The following MYPN variants were observed in gnomAD, a reference collection of about 807,000 sequenced individuals.
MYPN encodes the protein myopalladin.
In MYPN, 63 loss-of-function variants were observed where a neutral mutation model predicts 129.4. That is an observed-to-expected ratio of 0.49 (90% CI 0.40 to 0.60). The LOEUF (loss-of-function observed/expected upper bound fraction) is 0.60. Ranked by LOEUF, MYPN falls within the 20% of genes least tolerant of loss-of-function variation. The pLI is 0.00. For missense variants in MYPN, 1,596 were observed against 1,635.4 expected, an observed-to-expected ratio of 0.98 and a Z score of 0.42; for synonymous variants, 629 against 600.9, an observed-to-expected ratio of 1.05 and a Z score of -0.68.
intron 12 of MYPN, among the ~76,000 whole-genome samples, chr10:68,181,849 T>C (rs1215916751): frequency 2.0e-5 from 3 of 151,978 alleles, no homozygotes; most frequent in Non-Finnish European, 4.4e-5. Flanking sequence ...TAGCAAGCTC[T>C]CCAAGCTCTC....
intron 3 of MYPN, among the ~76,000 whole-genome samples, chr10:68,143,487 G>A (rs947350623): frequency 1.3e-5 from 2 of 152,170 alleles, no homozygotes; most frequent in African/African-American, 4.8e-5. Flanking sequence ...AAATCAGCAA[G>A]TGCAGTGGCC....
chr10:68,197,935 A>C (rs2043639128), intron 16 of MYPN, among the ~76,000 whole-genome samples: 1 of 152,162 alleles, frequency 6.6e-6, no homozygotes, highest in South Asian at 2.1e-4. Flanking sequence ...CAAATGGGTG[A>C]TTCATACCCA....
At chr10:68,123,489 A>G (rs1346041221) in intron 2 of MYPN, among the ~76,000 whole-genome samples, 1 of 151,326 alleles carries the variant, frequency 6.6e-6, no homozygotes, top group African/African-American at 2.4e-5. Context: ...ATCCTGGCTA[A>G]AAAGGTGAAA....
chr10:68,125,272 G>C (rs1268036556), intron 2 of MYPN, among the ~76,000 whole-genome samples: 1 of 152,126 alleles, frequency 6.6e-6, no homozygotes, highest in Non-Finnish European at 1.5e-5. Flanking sequence ...TTTCCATGTA[G>C]CAATGCTAAT....
chr10:68,145,538 T>C lies in MYPN; in HGVS notation c.1130+12T>C, dbSNP rs771881047. On this transcript the variant is annotated intron_variant, in intron 4 of 19. Coordinates refer to ENST00000358913, the MANE Select transcript of MYPN (RefSeq NM_032578.4). ...GAAGAGATGAATCGGTAATTCTGAT[T>C]TTCTGTCTTATAGCTTTAGCATCCT... 1 of 1,610,066 alleles carries C rather than the reference T, an allele frequency of 6.2e-7. No homozygotes were observed. Among genetic ancestry groups the C allele is most frequent in the Non-Finnish European group, 8.5e-7 (1 of 1,177,010 alleles).
At chr10:68,095,309 T>C (rs1057491063) in intron 1 of MYPN, among the ~76,000 whole-genome samples, 9 of 149,496 alleles carry the variant, frequency 6.0e-5, no homozygotes, top group Middle Eastern at 3.4e-3. Context: ...GAGATCACTC[T>C]ATTACACTCC....
chr10:68,149,107 G>C (rs1236940648), intron 5 of MYPN, among the ~76,000 whole-genome samples: 1 of 152,050 alleles, frequency 6.6e-6, no homozygotes, highest in African/African-American at 2.4e-5. Context: ...ATGCACCTAT[G>C]GTCCCAGCTA....
rs1185066047 is a variant in MYPN, at chr10:68,211,408, T to C, written c.*953T>C. On this transcript the variant is annotated 3_prime_UTR_variant, in exon 20 of 20. Transcript: ENST00000358913. ...AGATACAAACAAGGAGAGGAAATGA[T>C]GGGAGAGTGTTGTTTTTGTCACTTG... The C allele has an allele frequency of 2.2e-6, 1 of 453,926 alleles. No individual in the cohort carries two copies. Among genetic ancestry groups the C allele is most frequent in the African/African-American group, 2.0e-5 (1 of 49,994 alleles). The allele number at this position is 453,926 out of a possible 1,614,324, so 28.1% of individuals were successfully genotyped here.
At chr10:68,149,450 TA>T (rs969131617) in intron 5 of MYPN, among the ~76,000 whole-genome samples, 15 of 138,948 alleles carry the variant, frequency 1.1e-4, no homozygotes, top group East Asian at 1.9e-4. Flanking sequence ...TTTATATACA[TA>T]TTTTTTTTCT....
rs12413875 is a variant in MYPN, at chr10:68,130,328, C to T, written c.902+7988C>T. Among the ~76,000 whole-genome samples, 858 of 152,080 alleles carry T rather than the reference C, an allele frequency of 5.6e-3. 28 individuals are homozygous for T. The highest frequency in any genetic ancestry group is 0.051 in the Admixed American group (785 of 15,270). Reference sequence around the variant, plus strand: ...TACAAAAATTAGCCAGGCGTGGTGGCGGGCACCTGTAATCCCAGCTACTCG... The same window carrying T: ...TACAAAAATTAGCCAGGCGTGGTGGTGGGCACCTGTAATCCCAGCTACTCG... On this transcript the variant is annotated intron_variant, in intron 2 of 19. Coordinates refer to ENST00000358913, the MANE Select transcript of MYPN (RefSeq NM_032578.4).
intron 1 of MYPN, among the ~76,000 whole-genome samples, chr10:68,092,724 CTTTAT>C (rs1315100449): frequency 1.3e-5 from 2 of 152,104 alleles, no homozygotes; most frequent in African/African-American, 4.8e-5. Context: ...AATTATGTCA[CTTTAT>C]TTTATGTGTC....
chr10:68,199,099 C>A (rs1198917252), intron 16 of MYPN, among the ~76,000 whole-genome samples: 3 of 151,820 alleles, frequency 2.0e-5, no homozygotes, highest in Admixed American at 2.0e-4. Flanking sequence ...CTATCTATTT[C>A]ACTTTTTAAT....
chr10:68,108,077 G>A (rs1050156647), upstream of MYPN, among the ~76,000 whole-genome samples: 1 of 152,188 alleles, frequency 6.6e-6, no homozygotes, highest in Non-Finnish European at 1.5e-5. Context: ...ATTAGTATCA[G>A]CACAAGATTA....
At chr10:68,198,675 A>G (rs2043652876) in intron 16 of MYPN, among the ~76,000 whole-genome samples, 1 of 152,118 alleles carries the variant, frequency 6.6e-6, no homozygotes, top group Non-Finnish European at 1.5e-5. Flanking sequence ...GGATTTTTAA[A>G]CACCTCCCAC....
chr10:68,153,951 C>T (rs1873110), intron 6 of MYPN, among the ~76,000 whole-genome samples: 2 of 151,470 alleles, frequency 1.3e-5, no homozygotes, highest in Admixed American at 6.6e-5. Context: ...CAACGCTTAG[C>T]GAGCAGAGTT....
At chr10:68,175,615 C>A (rs936789562) in intron 12 of MYPN, among the ~76,000 whole-genome samples, 154 bp downstream of exon 12, 1 of 152,164 alleles carries the variant, frequency 6.6e-6, no homozygotes, top group African/African-American at 2.4e-5. Flanking sequence ...ATGTGAGAAA[C>A]CTGCCTGTGT....
chr10:68,170,199 A>G (rs998909080), intron 10 of MYPN, among the ~76,000 whole-genome samples: 2 of 152,196 alleles, frequency 1.3e-5, no homozygotes, highest in African/African-American at 4.8e-5. Flanking sequence ...TATTGCCACC[A>G]TGAACAAAAT....
chr10:68,203,057 A>C (rs1025828186), intron 18 of MYPN, among the ~76,000 whole-genome samples: 6 of 152,302 alleles, frequency 3.9e-5, no homozygotes. Context: ...CAATGTCTGG[A>C]AAGTTCATTC....
In MYPN at chr10:68,142,921, C is replaced by G. The variant is rs1352803475; in HGVS notation, c.903-19C>G. 1.2e-6 allele frequency: 2 copies of G among 1,612,770 alleles called. No individual in the cohort carries two copies. Among genetic ancestry groups the G allele is most frequent in the African/African-American group, 2.7e-5 (2 of 74,856 alleles). ...TTGCATTTGAGTCATGTCCAATGACCATATCCTTTTCCCTGCAGGTGGTAC... is the reference window on the plus strand; with the variant it reads ...TTGCATTTGAGTCATGTCCAATGACGATATCCTTTTCCCTGCAGGTGGTAC... On this transcript the variant is annotated intron_variant, in intron 2 of 19. Coordinates refer to ENST00000358913, the MANE Select transcript of MYPN (RefSeq NM_032578.4).
Sources: allele counts gnomAD v4.1 joint callset (sites outside exome capture counted in the v4.1 genomes callset), GRCh38; gene constraint gnomAD v4.1.1; transcripts MANE v1.5; gene names NCBI Gene and HGNC (gene_info 2026-07-23, HGNC 2026-07-21).